Variants in MUCL1 observed in about 807,000 individuals in gnomAD.
MUCL1 encodes the protein mucin-like protein 1.
In MUCL1, 11 loss-of-function variants were observed where a neutral mutation model predicts 9.2. That is an observed-to-expected ratio of 1.19 (90% CI 0.75 to 1.97). The LOEUF (loss-of-function observed/expected upper bound fraction) is 1.97. MUCL1 is among the 30% of genes most tolerant of loss of function. The pLI, the probability that MUCL1 is intolerant of heterozygous loss-of-function variation, is 0.00. For missense variants in MUCL1, 144 were observed against 110.9 expected (o/e 1.30, Z -1.34); for synonymous variants, 48 against 40.5 (o/e 1.19, Z -0.71).
intron 1 of MUCL1, among the ~76,000 whole-genome samples, chr12:54,839,840 T>C (rs977840590): frequency 3.9e-5 from 6 of 152,154 alleles, no homozygotes; most frequent in African/African-American, 1.4e-4. Flanking sequence ...TCACCTGTGG[T>C]GGGCAAACAC....
upstream of MUCL1, among the ~76,000 whole-genome samples, chr12:54,852,257 T>C (rs1022874479): frequency 6.6e-6 from 1 of 152,166 alleles, no homozygotes. Flanking sequence ...CTTCAAACTA[T>C]ACTACAAGGC....
rs1006725699 is a variant in MUCL1 at position 54,856,988 on chromosome 12, A to G, written c.223+96A>G. Reference sequence around the variant, plus strand: ...AGAGACTCTATTTTTGAGGTCAGGGAGACCTCTTCTTTACATTGTTCTCTA... The same window carrying G: ...AGAGACTCTATTTTTGAGGTCAGGGGGACCTCTTCTTTACATTGTTCTCTA... On this transcript the variant is annotated intron_variant, in intron 3 of 3. Coordinates refer to ENST00000308796, the MANE Select transcript of MUCL1 (RefSeq NM_058173.3). The G allele has an allele frequency of 2.6e-6, 4 of 1,530,802 alleles. No homozygotes were observed. The South Asian group carries it at 4.8e-5, about 18-fold the overall frequency. The allele number at this position is 1,530,802 out of a possible 1,614,324, so 94.8% of individuals were successfully genotyped here.
chr12:54,854,711 G>A, intron 1 of MUCL1, 71 bp downstream of exon 1: 1 of 1,392,768 alleles, frequency 7.2e-7, no homozygotes, highest in Non-Finnish European at 1.0e-6. Flanking sequence ...TAAAGATGTG[G>A]GCTTATGGTT....
chr12:54,832,886 A>T (rs983419627), intron 1 of MUCL1, among the ~76,000 whole-genome samples: 1 of 152,134 alleles, frequency 6.6e-6, no homozygotes, highest in Non-Finnish European at 1.5e-5. Flanking sequence ...GAAATTTTGT[A>T]TGTCCTGGTA....
At position 54,856,842 on chromosome 12, in the gene MUCL1, C is replaced by T. The variant is rs1868304086; in HGVS notation, c.173C>T (p.Pro58Leu). 6.2e-7 allele frequency: 1 copy of T among 1,612,132 alleles called. No individual in the cohort carries two copies. Among genetic ancestry groups the T allele is most frequent in the Non-Finnish European group, 8.5e-7 (1 of 1,178,728 alleles). Residue 58 changes from proline (P) to leucine (L), a missense_variant, in exon 3 of 4, where the codon CCT becomes CTT. By Grantham distance (98) the Pro-to-Leu change is moderately conservative. Transcript: ENST00000308796. The stretch of plus-strand genomic sequence containing the variant: ...GCAACCACTGCAACCACTGCTGCTC[C>T]TACCACTGCAACCACCGCTGCTTCT... ...AAATTATTAAPTTATTAASTT... is the reference protein window; with the variant it reads ...AAATTATTAALTTATTAASTT...
At chr12:54,856,691 T>G in intron 2 of MUCL1, 79 bp from the exon 3 acceptor site, 1 of 1,529,194 alleles carries the variant, frequency 6.5e-7, no homozygotes, top group South Asian at 1.2e-5. Context: ...GGATGAGGAA[T>G]GTATGTCTAC....
At chr12:54,846,291 G>T (rs958005950) in intron 1 of MUCL1, among the ~76,000 whole-genome samples, 1 of 152,138 alleles carries the variant, frequency 6.6e-6, no homozygotes, top group Non-Finnish European at 1.5e-5. Flanking sequence ...CTGCCATGGG[G>T]CTAGATCCCA....
At chr12:54,838,596 C>A (rs970434615), upstream of MUCL1, among the ~76,000 whole-genome samples, 1 of 151,974 alleles carries the variant, frequency 6.6e-6, no homozygotes, top group African/African-American at 2.4e-5. Flanking sequence ...TACATAATCC[C>A]ATATTTCTTG....
upstream of MUCL1, among the ~76,000 whole-genome samples, chr12:54,853,652 T>A (rs1417715762): frequency 6.6e-6 from 1 of 152,208 alleles, no homozygotes; most frequent in African/African-American, 2.4e-5. Flanking sequence ...CTCTCCTTTC[T>A]TCTTTCCTGC....
chr12:54,839,731 G>A (rs543646527), intron 1 of MUCL1, among the ~76,000 whole-genome samples: 57 of 152,262 alleles, frequency 3.7e-4, no homozygotes, highest in African/African-American at 1.3e-3. Flanking sequence ...AACCTGGAGG[G>A]CACTCCTTGT....
chr12:54,858,245 T>G lies in MUCL1; in HGVS notation c.*3T>G. On this transcript the variant is annotated 3_prime_UTR_variant, in exon 4 of 4. Coordinates refer to ENST00000308796, the MANE Select transcript of MUCL1 (RefSeq NM_058173.3). ...CGAATGGTAGAGTGTGTCCCTGAGA[T>G]GGAATCAGCTTGAGTCTTCTGCAAT... 6.2e-7 allele frequency: 1 copy of G among 1,613,546 alleles called. No homozygotes were observed. The highest frequency in any genetic ancestry group is 8.5e-7 in the Non-Finnish European group (1 of 1,179,586).
chr12:54,852,363 A>G (rs1336698402), upstream of MUCL1, among the ~76,000 whole-genome samples: 1 of 152,170 alleles, frequency 6.6e-6, no homozygotes, highest in Non-Finnish European at 1.5e-5. Context: ...CACATCTACA[A>G]CCATCTGATC....
upstream of MUCL1, among the ~76,000 whole-genome samples, chr12:54,849,890 A>G (rs1269456117): frequency 1.3e-5 from 2 of 152,176 alleles, no homozygotes; most frequent in African/African-American, 4.8e-5. Context: ...ATAAAGCCTC[A>G]AAACTGTTGT....
At chr12:54,833,937 A>G (rs1959188905) in intron 1 of MUCL1, among the ~76,000 whole-genome samples, 1 of 151,146 alleles carries the variant, frequency 6.6e-6, no homozygotes, top group Non-Finnish European at 1.5e-5. Context: ...AAACCCGCAC[A>G]TTGTGCACAT....
chr12:54,849,741 G>C (rs1959308800), upstream of MUCL1, among the ~76,000 whole-genome samples: 1 of 151,906 alleles, frequency 6.6e-6, no homozygotes, highest in Non-Finnish European at 1.5e-5. Flanking sequence ...GAACAAATTT[G>C]GTGTTAGATC....
chr12:54,853,578 C>T (rs1406399116), upstream of MUCL1, among the ~76,000 whole-genome samples: 2 of 152,142 alleles, frequency 1.3e-5, no homozygotes, highest in Admixed American at 6.5e-5. Flanking sequence ...TCAAATATCA[C>T]CTATTCAGTA....
chr12:54,832,714 A>T (rs1555188441), intron 1 of MUCL1, among the ~76,000 whole-genome samples: 1 of 152,028 alleles, frequency 6.6e-6, no homozygotes, highest in Non-Finnish European at 1.5e-5. Flanking sequence ...ACCCAAGAGA[A>T]TTTTTCTTTC....
intron 1 of MUCL1, among the ~76,000 whole-genome samples, chr12:54,843,375 A>AT (rs1486198261): frequency 1.3e-5 from 2 of 152,246 alleles, no homozygotes; most frequent in African/African-American, 2.4e-5. Flanking sequence ...TAATCCTATG[A>AT]TTTTTAAAAA....
chr12:54,841,363 A>G (rs1959210584), intron 1 of MUCL1, among the ~76,000 whole-genome samples: 1 of 152,274 alleles, frequency 6.6e-6, no homozygotes, highest in African/African-American at 2.4e-5. Context: ...ATATACATAG[A>G]TGTATTGCTG....
Sources: gnomAD v4.1 joint callset for allele counts (sites outside exome capture counted in the v4.1 genomes callset) on GRCh38, gnomAD v4.1.1 for gene constraint, MANE v1.5 for transcripts, NCBI Gene and HGNC (gene_info 2026-07-23, HGNC 2026-07-21) for gene names.